VWC2L: variants seen among roughly 807,000 people sequenced by gnomAD.
VWC2L encodes von Willebrand factor C domain-containing protein 2-like.
A neutral mutation model predicts 21.6 loss-of-function variants in VWC2L; 10 were observed. That is an observed-to-expected ratio of 0.46 (90% CI 0.29 to 0.78). The LOEUF is 0.78. Ranked by LOEUF, VWC2L falls within the 30% of genes least tolerant of loss-of-function variation. The pLI, the probability that VWC2L is intolerant of heterozygous loss-of-function variation, is 0.10. For synonymous variants in VWC2L, 96 were observed against 94.3 expected, an observed-to-expected ratio of 1.02 and a Z score of -0.10; for missense variants, 209 against 277.1, an observed-to-expected ratio of 0.75 and a Z score of 1.74.
intron 3 of VWC2L, among the ~76,000 whole-genome samples, chr2:214,476,775 TCTCTCTCTC>T (rs1559302284): frequency 6.6e-6 from 1 of 152,164 alleles, no homozygotes; most frequent in Non-Finnish European, 1.5e-5. Flanking sequence ...TTTCCCTTTC[TCTCTCTCTC>T]CTCTCTCTCC....
At chr2:214,499,509 G>A (rs564196605) in intron 3 of VWC2L, among the ~76,000 whole-genome samples, 7 of 136,424 alleles carry the variant, frequency 5.1e-5, no homozygotes, top group Non-Finnish European at 1.1e-4. Context: ...TCGTGGGGTG[G>A]GGGGAGGGGT....
chr2:214,432,092 C>T (rs147500648), intron 2 of VWC2L, among the ~76,000 whole-genome samples: 36 of 152,210 alleles, frequency 2.4e-4, no homozygotes, highest in African/African-American at 8.7e-4. Context: ...ACAAACATCT[C>T]ATTGACTCAA....
chr2:214,482,685 G>GGCACT (rs1688624455), intron 3 of VWC2L, among the ~76,000 whole-genome samples: 1 of 150,220 alleles, frequency 6.7e-6, no homozygotes, highest in East Asian at 1.9e-4. Flanking sequence ...TTAATGGCCA[G>GGCACT]GCACTGTGGT....
chr2:214,514,960 A>G (rs1159171284), intron 3 of VWC2L, among the ~76,000 whole-genome samples: 2 of 152,254 alleles, frequency 1.3e-5, no homozygotes, highest in African/African-American at 2.4e-5. Flanking sequence ...TTAAAAGGAT[A>G]AAATACAGTT....
intron 3 of VWC2L, among the ~76,000 whole-genome samples, chr2:214,504,129 A>C (rs1233922121): frequency 6.6e-6 from 1 of 152,242 alleles, no homozygotes; most frequent in South Asian, 2.1e-4. Context: ...TACTAAACAA[A>C]AATCAAAAGA....
chr2:214,554,039 T>C (rs1179908818), intron 3 of VWC2L, among the ~76,000 whole-genome samples: 1 of 152,076 alleles, frequency 6.6e-6, no homozygotes, highest in Admixed American at 6.6e-5. Flanking sequence ...CAAGCCCATC[T>C]TTGCCCAGGC....
At chr2:214,439,174 T>G (rs1425955352) in intron 3 of VWC2L, among the ~76,000 whole-genome samples, 1 of 152,022 alleles carries the variant, frequency 6.6e-6, no homozygotes, top group African/African-American at 2.4e-5. Flanking sequence ...ATAATTTTAT[T>G]GAGAAGACAG....
intron 3 of VWC2L, among the ~76,000 whole-genome samples, chr2:214,441,867 A>C (rs192852138): frequency 6.6e-6 from 1 of 151,692 alleles, no homozygotes; most frequent in Admixed American, 6.6e-5. Flanking sequence ...AATTTAAAAT[A>C]AAATATGTAT....
intron 2 of VWC2L, among the ~76,000 whole-genome samples, chr2:214,430,537 T>A (rs1377094460): frequency 1.3e-5 from 2 of 151,880 alleles, no homozygotes; most frequent in Non-Finnish European, 1.5e-5. Context: ...ATATGCTGAA[T>A]TTTTTTTTAA....
At chr2:214,487,977 G>A (rs555706033) in intron 3 of VWC2L, among the ~76,000 whole-genome samples, 5 of 152,312 alleles carry the variant, frequency 3.3e-5, no homozygotes, top group African/African-American at 1.2e-4. Context: ...CATTGATACT[G>A]TTGCTATTAC....
At chr2:214,417,088 G>A (rs1454763978) in intron 2 of VWC2L, among the ~76,000 whole-genome samples, 1 of 152,014 alleles carries the variant, frequency 6.6e-6, no homozygotes, top group Non-Finnish European at 1.5e-5. Context: ...CTGTCATCTT[G>A]ATTCTCTTCC....
Position 214,493,184 on chromosome 2 carries a change from A to G in VWC2L, c.520+56426A>G, listed in dbSNP as rs982647853. ...AGGCAAAATGTAGCAAAATGAAACA[A>G]AATATAACCCTGTTACATCAGAAGA... On this transcript the variant is annotated intron_variant, in intron 3 of 3. Coordinates refer to ENST00000312504, the MANE Select transcript of VWC2L (RefSeq NM_001080500.4). Among the ~76,000 whole-genome samples the G allele has an allele frequency of 2.6e-5, 4 of 152,344 alleles. No individual in the cohort carries two copies. The East Asian group carries it at 7.7e-4, about 29-fold the overall frequency.
chr2:214,554,757 A>G (rs1440208118), intron 3 of VWC2L, among the ~76,000 whole-genome samples: 1 of 152,208 alleles, frequency 6.6e-6, no homozygotes, highest in Non-Finnish European at 1.5e-5. Flanking sequence ...CTGACAAAAC[A>G]GACTCTTTGT....
At chr2:214,424,781 TTAA>T (rs1702497536) in intron 2 of VWC2L, among the ~76,000 whole-genome samples, 1 of 152,222 alleles carries the variant, frequency 6.6e-6, no homozygotes, top group African/African-American at 2.4e-5. Flanking sequence ...TTATGAGCAG[TTAA>T]TGATGAAAAT....
chr2:214,478,466 C>T (rs1051464795), intron 3 of VWC2L, among the ~76,000 whole-genome samples: 1 of 148,422 alleles, frequency 6.7e-6, no homozygotes, highest in Non-Finnish European at 1.5e-5. Context: ...GCAACTCCAT[C>T]TCAAAAAAAA....
chr2:214,504,739 G>A (rs945405683), intron 3 of VWC2L, among the ~76,000 whole-genome samples: 1 of 151,718 alleles, frequency 6.6e-6, no homozygotes, highest in Admixed American at 6.6e-5. Flanking sequence ...TGATTGCAAA[G>A]TACTTCATAA....
intron 3 of VWC2L, 118 bp downstream of exon 3, chr2:214,436,876 G>A: frequency 8.5e-7 from 1 of 1,173,482 alleles, no homozygotes; most frequent in Non-Finnish European, 1.2e-6. Context: ...TTTCAATATG[G>A]GCATGGCGGA....
intron 3 of VWC2L, among the ~76,000 whole-genome samples, chr2:214,543,102 T>C (rs965826802): frequency 6.6e-6 from 1 of 152,224 alleles, no homozygotes; most frequent in Non-Finnish European, 1.5e-5. Flanking sequence ...AATAGCAACC[T>C]AATGACAGCA....
chr2:214,501,377 C>T (rs144040580), intron 3 of VWC2L, among the ~76,000 whole-genome samples: 3 of 152,158 alleles, frequency 2.0e-5, no homozygotes, highest in African/African-American at 4.8e-5. Context: ...CATGCCTCCC[C>T]GAATCCATAC....
Sources: gnomAD v4.1 joint callset for allele counts (sites outside exome capture counted in the v4.1 genomes callset) on GRCh38, gnomAD v4.1.1 for gene constraint, MANE v1.5 for transcripts, NCBI Gene and HGNC (gene_info 2026-07-23, HGNC 2026-07-21) for gene names.